Variants in FCGRT observed in about 807,000 individuals in gnomAD.
FCGRT encodes Fc gamma receptor and transporter.
Under a neutral mutation model 35.7 loss-of-function variants are expected in FCGRT, and 13 were observed. The observed-to-expected ratio is 0.36, with a 90% confidence interval of 0.24 to 0.58. The LOEUF (loss-of-function observed/expected upper bound fraction) is 0.58, where lower values mean the gene tolerates loss of function less well. Ranked by LOEUF, FCGRT falls within the 20% of genes least tolerant of loss-of-function variation. FCGRT has a pLI of 0.77. For synonymous variants in FCGRT, 233 were observed against 216.5 expected, an observed-to-expected ratio of 1.08 and a Z score of -0.67; for missense variants, 455 against 474.9, an observed-to-expected ratio of 0.96 and a Z score of 0.39.
In FCGRT at chr19:49,514,287, C is replaced by T; in HGVS notation, c.402C>T (p.Ala134=). 1 of 1,612,280 alleles carries T rather than the reference C, an allele frequency of 6.2e-7. No individual in the cohort carries two copies. The highest frequency in any genetic ancestry group is 8.5e-7 in the Non-Finnish European group (1 of 1,179,392). The part of the protein sequence containing the change: ...DNTSVPTAKF[A]LNGEEFMNFD... ...CCTCGGTGCCCACCGCCAAGTTCGCCCTGAACGGCGAGGAGTTCATGAATT... is the reference window on the plus strand; with the variant it reads ...CCTCGGTGCCCACCGCCAAGTTCGCTCTGAACGGCGAGGAGTTCATGAATT... The change falls in exon 4 of 7, where the codon GCC becomes GCT. Residue 134 remains alanine, a synonymous_variant. Transcript: ENST00000221466.
Position 49,519,510 on chromosome 19 carries a change from G to A in FCGRT, c.602-4997G>A, listed in dbSNP as rs1210907591. Reference sequence around the variant, plus strand: ...TTTCCCCCTGTAATTGTGGTTTGAAGAAAGTCAGTTTATGTCCTATTGAGT... The same window carrying A: ...TTTCCCCCTGTAATTGTGGTTTGAAAAAAGTCAGTTTATGTCCTATTGAGT... On this transcript the variant is annotated intron_variant, in intron 4 of 6. Transcript: ENST00000221466. Among the ~76,000 whole-genome samples, 4 of 152,200 alleles carry A rather than the reference G, an allele frequency of 2.6e-5. No individual in the cohort carries two copies. In the East Asian group the frequency reaches 7.7e-4, roughly 29 times the overall value.
intron 1 of FCGRT, chr19:49,513,088 T>C (rs1222453717): frequency 3.5e-4 from 35 of 99,704 alleles, no homozygotes; most frequent in African/African-American, 2.3e-3. Context: ...GGAAGAGCGG[T>C]TGGGGGCCTG....
chr19:49,523,716 C>T (rs1038046649), intron 4 of FCGRT, among the ~76,000 whole-genome samples: 1 of 150,702 alleles, frequency 6.6e-6, no homozygotes, highest in Non-Finnish European at 1.5e-5. Flanking sequence ...AAAAATTAGC[C>T]AAGTGTGGTG....
At chr19:49,519,047 T>C (rs1386489065) in intron 4 of FCGRT, among the ~76,000 whole-genome samples, 1 of 150,630 alleles carries the variant, frequency 6.6e-6, no homozygotes, top group Non-Finnish European at 1.5e-5. Context: ...TTTCACTGTG[T>C]TAGGCAGGAT....
intron 5 of FCGRT, 133 bp downstream of exon 5, chr19:49,524,909 C>G: frequency 1.1e-6 from 1 of 894,910 alleles, no homozygotes; most frequent in Non-Finnish European, 1.8e-6. Context: ...GAACCTCACG[C>G]CTGTCAGTGC....
At chr19:49,525,871 A>G in intron 6 of FCGRT, 139 bp from the exon 7 acceptor site, 1 of 751,334 alleles carries the variant, frequency 1.3e-6, no homozygotes, top group South Asian at 1.4e-5. Context: ...AAATTGGGAG[A>G]AGGGGAGACA....
intron 4 of FCGRT, among the ~76,000 whole-genome samples, chr19:49,518,629 G>A (rs1278155380): frequency 6.6e-6 from 1 of 152,014 alleles, no homozygotes; most frequent in African/African-American, 2.4e-5. Context: ...TGCCTCCCGG[G>A]TTCAAGCAAT....
At chr19:49,519,521 T>C (rs748504136) in intron 4 of FCGRT, among the ~76,000 whole-genome samples, 9 of 152,198 alleles carry the variant, frequency 5.9e-5, no homozygotes, top group Non-Finnish European at 1.3e-4. Flanking sequence ...AAAGTCAGTT[T>C]ATGTCCTATT....
chr19:49,525,539 T>C lies in FCGRT; in HGVS notation c.954T>C (p.Ala318=). The C allele has an allele frequency of 6.2e-7, 1 of 1,613,230 alleles. No homozygotes were observed. Among genetic ancestry groups the C allele is most frequent in the Non-Finnish European group, 8.5e-7 (1 of 1,179,818 alleles). ...TCACGGCAGCGGCTGTAGGAGGAGC[T>C]CTGTTGTGGAGAAGGATGAGGAGTG... ...LLLTAAAVGG[A]LLWRRMRSGL... Residue 318 remains alanine, a synonymous_variant, in exon 6 of 7, where the codon GCT becomes GCC. Transcript: ENST00000221466.
chr19:49,525,370 G>T, intron 5 of FCGRT, 87 bp from the exon 6 acceptor site: 1 of 966,764 alleles, frequency 1.0e-6, no homozygotes. Context: ...TCCGAGGCTG[G>T]GAGGGACTGG....
chr19:49,519,831 T>TC (rs1342218668), intron 4 of FCGRT, among the ~76,000 whole-genome samples: 2 of 147,466 alleles, frequency 1.4e-5, no homozygotes, highest in East Asian at 3.9e-4. Context: ...TTAATCTTTT[T>TC]TTTTTTTTTT....
intron 5 of FCGRT, 61 bp downstream of exon 5, chr19:49,524,837 C>G (rs759700905): frequency 1.3e-5 from 20 of 1,497,434 alleles, no homozygotes; most frequent in Non-Finnish European, 1.8e-5. Context: ...ACTGCTGCGC[C>G]GGTCCTTCCT....
intron 5 of FCGRT, chr19:49,525,220 G>A: frequency 3.7e-6 from 2 of 533,534 alleles, no homozygotes; most frequent in Non-Finnish European, 6.9e-6. Flanking sequence ...GCACAGCCCC[G>A]CCTTGCCGCT....
At chr19:49,524,800 G>T in intron 5 of FCGRT, 24 bp downstream of exon 5, 1 of 1,592,746 alleles carries the variant, frequency 6.3e-7, no homozygotes. Flanking sequence ...AGGTGGTGAT[G>T]CTCCTGGTTT....
chr19:49,513,445 C>G lies in FCGRT; in HGVS notation c.45C>G (p.Leu15=). 8.0e-7 allele frequency: 1 copy of G among 1,244,850 alleles called. No homozygotes were observed. Among genetic ancestry groups the G allele is most frequent in the African/African-American group, 1.6e-5 (1 of 64,460 alleles). 77.1% of individuals were successfully genotyped at this position (1,244,850 alleles called of 1,614,324 possible). A position where few individuals can be genotyped will look rare whatever the true frequency, so the allele number is the denominator to read the frequency against. Residue 15 remains leucine (L), a synonymous_variant, in exon 2 of 7, where the codon CTC becomes CTG. Coordinates refer to ENST00000221466, the MANE Select transcript of FCGRT (RefSeq NM_001136019.3). ...RPQPWALGLL[L]FLLPGSLGAE... ...AGCCCTGGGCGCTGGGGCTCCTGCTCTTTCTCCTTCCTGGGAGCCTGGGCG... is the reference window on the plus strand; with the variant it reads ...AGCCCTGGGCGCTGGGGCTCCTGCTGTTTCTCCTTCCTGGGAGCCTGGGCG...
intron 4 of FCGRT, among the ~76,000 whole-genome samples, chr19:49,523,121 A>G (rs2080052281): frequency 1.3e-5 from 2 of 152,038 alleles, no homozygotes; most frequent in Admixed American, 6.6e-5. Flanking sequence ...GATGATGCTG[A>G]CCTCATAAAA....
chr19:49,522,072 ATT>A (rs755024984), intron 4 of FCGRT, among the ~76,000 whole-genome samples: 23 of 142,610 alleles, frequency 1.6e-4, no homozygotes, highest in East Asian at 6.1e-4. Context: ...AAGTTTATGA[ATT>A]TTTTTTTTTT....
At chr19:49,520,386 C>G (rs1434353798) in intron 4 of FCGRT, among the ~76,000 whole-genome samples, 1 of 143,096 alleles carries the variant, frequency 7.0e-6, no homozygotes, top group Admixed American at 7.2e-5. Flanking sequence ...ACTCTTATTG[C>G]GCAGGCTGGA....
chr19:49,524,518 A>G lies in FCGRT; in HGVS notation c.613A>G (p.Met205Val), dbSNP rs757472733. Reference protein sequence around the residue: ...GNLEWKEPPSMRLKARPSSPG... With the variant: ...GNLEWKEPPSVRLKARPSSPG... Reference sequence around the variant, plus strand: ...CTGATTTCCTGCAGAGCCCCCCTCCATGCGCCTGAAGGCCCGACCCAGCAG... The same window carrying G: ...CTGATTTCCTGCAGAGCCCCCCTCCGTGCGCCTGAAGGCCCGACCCAGCAG... The change falls in exon 5 of 7, where the codon ATG becomes GTG. Residue 205 changes from methionine to valine, a missense_variant. Met to Val is a conservative substitution (Grantham distance 21). Transcript: ENST00000221466. 3.7e-6 allele frequency: 6 copies of G among 1,606,852 alleles called. No individual in the cohort carries two copies. The African/African-American group carries it at 4.0e-5, about 11-fold the overall frequency.
Sources: allele counts gnomAD v4.1 joint callset (sites outside exome capture counted in the v4.1 genomes callset), GRCh38; gene constraint gnomAD v4.1.1; transcripts MANE v1.5; gene names NCBI Gene and HGNC (gene_info 2026-07-23, HGNC 2026-07-21).